Variants in RBFOX3 observed in about 807,000 individuals in gnomAD.
RBFOX3 encodes the protein RNA binding protein fox-1 homolog 3.
RBFOX3 carries 17 observed loss-of-function variants against 48.7 expected under a neutral mutation model. The observed-to-expected ratio is 0.35, with a 90% confidence interval of 0.24 to 0.52. RBFOX3 has a LOEUF of 0.52. Among genes scored for constraint, RBFOX3 ranks in the 20% least tolerant of loss-of-function variants. RBFOX3 has a pLI of 0.94. For synonymous variants in RBFOX3, 212 were observed against 209.5 expected (o/e 1.01, Z -0.10); for missense variants, 382 against 497.5 (o/e 0.77, Z 2.21).
intron 2 of RBFOX3, among the ~76,000 whole-genome samples, chr17:79,432,208 G>T (rs143194327): frequency 1.4e-4 from 21 of 152,334 alleles, no homozygotes; most frequent in Middle Eastern, 3.4e-3. Context: ...GTGGCTGGAC[G>T]CTTGGGTTTT....
chr17:79,107,552 C>T (rs1337613988), intron 5 of RBFOX3, among the ~76,000 whole-genome samples: 4 of 152,224 alleles, frequency 2.6e-5, no homozygotes, highest in Admixed American at 2.6e-4. Flanking sequence ...TGGTCTTCTC[C>T]AGTGGACTGG....
chr17:79,274,068 G>A (rs2068254920), intron 3 of RBFOX3, among the ~76,000 whole-genome samples: 1 of 152,164 alleles, frequency 6.6e-6, no homozygotes, highest in Non-Finnish European at 1.5e-5. Context: ...AGGGGCGGAC[G>A]CTGACCCCAT....
At chr17:79,414,706 AC>A (rs1462134513) in intron 2 of RBFOX3, among the ~76,000 whole-genome samples, 1 of 152,016 alleles carries the variant, frequency 6.6e-6, no homozygotes, top group African/African-American at 2.4e-5. Flanking sequence ...TAAGCAGCAG[AC>A]CCCCAAGAGG....
intron 2 of RBFOX3, among the ~76,000 whole-genome samples, chr17:79,452,555 G>A (rs1379167970): frequency 1.3e-5 from 2 of 152,174 alleles, no homozygotes; most frequent in Non-Finnish European, 2.9e-5. Context: ...CAGCGAATGG[G>A]TCATTAAAGA....
intron 2 of RBFOX3, among the ~76,000 whole-genome samples, chr17:79,309,099 T>G (rs2076478264): frequency 1.1e-5 from 1 of 91,140 alleles, no homozygotes. Context: ...AGAGCAAGAC[T>G]CTGTCTCAAA....
the RBFOX3 span, among the ~76,000 whole-genome samples, chr17:79,640,411 A>G: frequency 6.8e-4 from 103 of 152,350 alleles, no homozygotes; most frequent in African/African-American, 2.2e-3. Context: ...AATTCAGTGC[A>G]ATCCCTATCA....
chr17:79,519,086 C>T (rs986094860), intron 1 of RBFOX3, among the ~76,000 whole-genome samples: 17 of 152,256 alleles, frequency 1.1e-4, no homozygotes, highest in Admixed American at 5.2e-4. Flanking sequence ...ACCGGGCCCC[C>T]GAAACAGATG....
intron 1 of RBFOX3, among the ~76,000 whole-genome samples, chr17:79,532,796 A>G (rs2088021234): frequency 6.6e-6 from 1 of 152,156 alleles, no homozygotes. Context: ...TTCCTGCCCT[A>G]TGGCTCTCTT....
chr17:79,126,329 C>G (rs779993275), intron 4 of RBFOX3, among the ~76,000 whole-genome samples: 1 of 152,214 alleles, frequency 6.6e-6, no homozygotes, highest in Non-Finnish European at 1.5e-5. Context: ...TCACCAAGAG[C>G]GTGTGGTGCC....
the RBFOX3 span, among the ~76,000 whole-genome samples, chr17:79,654,450 G>T: frequency 6.6e-6 from 1 of 152,200 alleles, no homozygotes; most frequent in Non-Finnish European, 1.5e-5. Flanking sequence ...GGTTACCTTG[G>T]CTGGGGCATG....
intron 4 of RBFOX3, among the ~76,000 whole-genome samples, chr17:79,224,906 C>T (rs927017085): frequency 6.6e-6 from 1 of 152,202 alleles, no homozygotes; most frequent in Non-Finnish European, 1.5e-5. Context: ...AGCCAGCTAA[C>T]CAGGAAAACT....
intron 3 of RBFOX3, among the ~76,000 whole-genome samples, chr17:79,236,443 C>T (rs2061646776): frequency 1.3e-5 from 2 of 152,084 alleles, no homozygotes; most frequent in South Asian, 4.2e-4. Context: ...TGTGTGCCAC[C>T]CCGCCCAGCT....
At chr17:79,227,220 C>G (rs2060410471) in intron 4 of RBFOX3, among the ~76,000 whole-genome samples, 1 of 152,192 alleles carries the variant, frequency 6.6e-6, no homozygotes, top group Non-Finnish European at 1.5e-5. Context: ...GAGGCGAATT[C>G]CAGCAGAGGA....
At chr17:79,476,577 T>A in intron 2 of RBFOX3, among the ~76,000 whole-genome samples, 1 of 152,110 alleles carries the variant, frequency 6.6e-6, no homozygotes, top group South Asian at 2.1e-4. Context: ...TGTGAAGGAT[T>A]CCAGCCACAT....
chr17:79,336,603 G>C (rs1025971023), intron 2 of RBFOX3, among the ~76,000 whole-genome samples: 1 of 152,056 alleles, frequency 6.6e-6, no homozygotes, highest in African/African-American at 2.4e-5. Context: ...CCCTGGCCTC[G>C]TCCTCTCTCC....
At chr17:79,499,802 T>C (rs1418826777) in intron 1 of RBFOX3, among the ~76,000 whole-genome samples, 1 of 152,240 alleles carries the variant, frequency 6.6e-6, no homozygotes, top group East Asian at 1.9e-4. Context: ...TGATATACAG[T>C]GGTGGCCATT....
the RBFOX3 span, among the ~76,000 whole-genome samples, chr17:79,620,589 A>G: frequency 0.023 from 1,986 of 87,238 alleles, 55 homozygotes; most frequent in Middle Eastern, 0.1. Context: ...ACGCACGCAC[A>G]CACACGCACG....
chr17:79,468,417 A>G (rs1411492616), intron 2 of RBFOX3, among the ~76,000 whole-genome samples: 2 of 152,086 alleles, frequency 1.3e-5, no homozygotes, highest in African/African-American at 4.8e-5. Context: ...AGGTAGGTAG[A>G]CAGATACATA....
intron 3 of RBFOX3, among the ~76,000 whole-genome samples, chr17:79,262,009 CTT>C (rs2065869516): frequency 6.6e-6 from 1 of 152,228 alleles, no homozygotes; most frequent in Admixed American, 6.5e-5. Flanking sequence ...CACTCCAAAA[CTT>C]TGCTTTGAGT....
Sources: allele counts gnomAD v4.1 joint callset (sites outside exome capture counted in the v4.1 genomes callset), GRCh38; gene constraint gnomAD v4.1.1; transcripts MANE v1.5; gene names NCBI Gene and HGNC (gene_info 2026-07-23, HGNC 2026-07-21).